The following C2CD5 variants were observed in gnomAD, a reference collection of about 807,000 sequenced individuals.
C2CD5 encodes C2 calcium dependent domain containing 5, also known as C2 domain-containing protein 5.
Under a neutral mutation model 130.3 loss-of-function variants are expected in C2CD5, and 109 were observed. The observed-to-expected ratio is 0.84, with a 90% CI of 0.72 to 0.98. C2CD5 has a LOEUF of 0.98. C2CD5 is among the 50% of genes least tolerant of loss of function. The pLI is 0.00. For synonymous variants in C2CD5, 454 were observed against 429.2 expected, an observed-to-expected ratio of 1.06 and a Z score of -0.71; for missense variants, 996 against 1,261.8, an observed-to-expected ratio of 0.79 and a Z score of 3.19.
chr12:22,513,107 T>C (rs1461031571), intron 9 of C2CD5, among the ~76,000 whole-genome samples, 187 bp downstream of exon 9: 1 of 152,144 alleles, frequency 6.6e-6, no homozygotes, highest in Non-Finnish European at 1.5e-5. Flanking sequence ...TACGTAATTA[T>C]TCCAAATCAA....
chr12:22,532,897 T>C (rs774450809), intron 3 of C2CD5, among the ~76,000 whole-genome samples: 1 of 152,106 alleles, frequency 6.6e-6, no homozygotes, highest in African/African-American at 2.4e-5. Context: ...CAGCATGAAA[T>C]AGCAGGGGAA....
At chr12:22,525,804 A>G (rs1245534255) in intron 4 of C2CD5, 99 bp from the exon 5 acceptor site, 7 of 712,812 alleles carry the variant, frequency 9.8e-6, no homozygotes, top group South Asian at 4.9e-5. Flanking sequence ...TTAAAATACA[A>G]TGATTTAACT....
intron 22 of C2CD5, among the ~76,000 whole-genome samples, chr12:22,461,381 A>C (rs74068587): frequency 0.039 from 5,861 of 152,142 alleles, 404 homozygotes; most frequent in African/African-American, 0.14. Flanking sequence ...CTAAAACGAA[A>C]ATCTTTTCTA....
intron 21 of C2CD5, among the ~76,000 whole-genome samples, 189 bp from the exon 22 acceptor site, chr12:22,469,984 T>C (rs1191057641): frequency 6.6e-6 from 1 of 152,158 alleles, no homozygotes; most frequent in African/African-American, 2.4e-5. Context: ...ACTGGTGCTA[T>C]CTTCCCTGGT....
chr12:22,493,030 T>C (rs748349328), intron 11 of C2CD5, among the ~76,000 whole-genome samples, 193 bp downstream of exon 11: 15 of 152,118 alleles, frequency 9.9e-5, no homozygotes, highest in Non-Finnish European at 1.9e-4. Context: ...CTCAGAAGAG[T>C]TAAATAACTT....
chr12:22,493,355 A>G lies in C2CD5; in HGVS notation c.1148-18T>C. On this transcript the variant is annotated intron_variant, in intron 10 of 26. Transcript: ENST00000446597. ...TGGTTCATCTGAAAAATAAATTTTA[A>G]ATCAGTTTATTACTCAATAGCACAT... is the stretch of plus-strand genomic sequence containing the variant. 7.1e-7 allele frequency: 1 copy of G among 1,414,920 alleles called. No homozygotes were observed. The highest frequency in any genetic ancestry group is 1.0e-6 in the Non-Finnish European group (1 of 1,003,324). 87.6% of individuals were successfully genotyped at this position (1,414,920 alleles called of 1,614,324 possible).
intron 15 of C2CD5, 139 bp from the exon 16 acceptor site, chr12:22,475,030 C>A (rs1279030935): frequency 6.1e-6 from 3 of 489,072 alleles, no homozygotes; most frequent in Non-Finnish European, 1.0e-5. Flanking sequence ...TTAAGTATAA[C>A]CTTTAAAACT....
chr12:22,531,565 C>T (rs1470349666), intron 3 of C2CD5, among the ~76,000 whole-genome samples: 1 of 152,094 alleles, frequency 6.6e-6, no homozygotes, highest in East Asian at 1.9e-4. Flanking sequence ...AATGTTCTAG[C>T]AGATAACATG....
chr12:22,465,643 C>A (rs187361249), intron 22 of C2CD5, among the ~76,000 whole-genome samples: 2 of 151,988 alleles, frequency 1.3e-5, no homozygotes, highest in Admixed American at 6.6e-5. Flanking sequence ...GATTCCCCCC[C>A]ATTTTGCTCA....
At chr12:22,492,843 G>A (rs1357857835) in intron 11 of C2CD5, among the ~76,000 whole-genome samples, 1 of 152,104 alleles carries the variant, frequency 6.6e-6, no homozygotes, top group Non-Finnish European at 1.5e-5. Context: ...ATTGCAATTC[G>A]TTTACAGTAG....
At chr12:22,536,775 T>C (rs1193808109) in intron 2 of C2CD5, among the ~76,000 whole-genome samples, 1 of 152,094 alleles carries the variant, frequency 6.6e-6, no homozygotes, top group South Asian at 2.1e-4. Context: ...AAGAAGAAAG[T>C]AAGGGGTTTT....
At chr12:22,506,678 T>C (rs1948578638) in intron 10 of C2CD5, 33 bp downstream of exon 10, 1 of 1,164,592 alleles carries the variant, frequency 8.6e-7, no homozygotes, top group Admixed American at 1.9e-5. Context: ...ACAATTTAAA[T>C]AAAGGAAACA....
intron 17 of C2CD5, 114 bp downstream of exon 17, chr12:22,472,630 C>G: frequency 5.2e-6 from 4 of 764,270 alleles, no homozygotes. Flanking sequence ...ACATGACAAG[C>G]TGTGACACTG....
chr12:22,451,190 T>C (rs889720680), intron 26 of C2CD5, among the ~76,000 whole-genome samples: 6 of 152,082 alleles, frequency 3.9e-5, no homozygotes, highest in African/African-American at 4.8e-5. Flanking sequence ...TTTTTGAATT[T>C]TGAATCATGT....
chr12:22,481,649 CTTTT>C (rs34990025), intron 14 of C2CD5, among the ~76,000 whole-genome samples: 1 of 116,446 alleles, frequency 8.6e-6, no homozygotes, highest in Admixed American at 9.1e-5. Flanking sequence ...AGAAACACAC[CTTTT>C]TTTTTTTTTT....
Position 22,472,271 on chromosome 12 carries a change from G to GA in C2CD5, c.2169+14dup. 3.5e-6 allele frequency: 5 copies of GA among 1,425,766 alleles called. No homozygotes were observed. The highest frequency in any genetic ancestry group is 2.5e-5 in the South Asian group (2 of 79,122). The allele number at this position is 1,425,766 out of a possible 1,614,324, so 88.3% of individuals were successfully genotyped here. A position where few individuals can be genotyped will look rare whatever the true frequency, so the allele number is the denominator to read the frequency against. On this transcript the variant is annotated intron_variant, in intron 18 of 26. Coordinates refer to ENST00000446597, the MANE Select transcript of C2CD5 (RefSeq NM_001286176.2). ...TTATGTGTTATGTGCTTAAAATTAA[G>GA]AAAAAAAGGTTTACCTGTATTTCAG...
At chr12:22,450,493 T>G (rs1360196436) in intron 26 of C2CD5, among the ~76,000 whole-genome samples, 1 of 152,116 alleles carries the variant, frequency 6.6e-6, no homozygotes. Flanking sequence ...AAGTGAAAAA[T>G]GACCTAAAGC....
In C2CD5 at chr12:22,513,397, A is replaced by G. The variant is rs575130395; in HGVS notation, c.953-18T>C. 3 of 1,540,860 alleles carry G rather than the reference A, an allele frequency of 1.9e-6. No individual in the cohort carries two copies. Among genetic ancestry groups the G allele is most frequent in the South Asian group, 2.2e-5 (2 of 89,460 alleles). On this transcript the variant is annotated intron_variant, in intron 8 of 26. Transcript: ENST00000446597. ...TCCCATTCCTACAGAACATCAGTAC[A>G]TAAATAACAACCAAAAAAGCAACTA...
intron 2 of C2CD5, among the ~76,000 whole-genome samples, chr12:22,536,525 T>C (rs1951829679): frequency 6.6e-6 from 1 of 152,164 alleles, no homozygotes; most frequent in Admixed American, 6.5e-5. Flanking sequence ...GAACAAATCA[T>C]GTGCCCTATA....
Sources: allele counts gnomAD v4.1 joint callset (sites outside exome capture counted in the v4.1 genomes callset), GRCh38; gene constraint gnomAD v4.1.1; transcripts MANE v1.5; gene names NCBI Gene and HGNC (gene_info 2026-07-23, HGNC 2026-07-21).